The following NR1I2 variants were observed in gnomAD, a reference collection of about 807,000 sequenced individuals.
NR1I2 encodes nuclear receptor subfamily 1 group I member 2.
In NR1I2, 42 loss-of-function variants were observed where a neutral mutation model predicts 43.3. That is an observed-to-expected ratio of 0.97 (90% confidence interval 0.76 to 1.26). NR1I2 has a LOEUF of 1.26. Ranked by LOEUF, NR1I2 falls within the 50% of genes most tolerant of loss-of-function variation. The probability of loss-of-function intolerance (pLI) is 0.00; values close to 1 mark genes in which losing one functional copy is unlikely to be tolerated. For missense variants in NR1I2, 559 were observed against 566.7 expected, an observed-to-expected ratio of 0.99 and a Z score of 0.14; for synonymous variants, 229 against 215.0, an observed-to-expected ratio of 1.06 and a Z score of -0.57.
intron 1 of NR1I2, among the ~76,000 whole-genome samples, chr3:119,794,119 C>T (rs1233984656): frequency 2.6e-5 from 4 of 152,076 alleles, no homozygotes; most frequent in African/African-American, 9.7e-5. Context: ...AGGCAATCCT[C>T]CCACCTCAGC....
intron 1 of NR1I2, among the ~76,000 whole-genome samples, chr3:119,804,384 A>G (rs1253998076): frequency 1.3e-5 from 2 of 149,414 alleles, no homozygotes; most frequent in African/African-American, 4.9e-5. Flanking sequence ...CAAAAAATAT[A>G]TATATACATA....
chr3:119,814,996 A>C lies in NR1I2; in HGVS notation c.812A>C (p.Asp271Ala), dbSNP rs541839505. 1.2e-6 allele frequency: 2 copies of C among 1,614,056 alleles called. No individual in the cohort carries two copies. Among genetic ancestry groups the C allele is most frequent in the African/African-American group, 2.7e-5 (2 of 75,004 alleles). ...GCTGCCAGGGACTTGCCCATCGAGG[A>C]CCAGATCTCCCTGCTGAAGGGGGCC... Residue 271 changes from aspartate to alanine, a missense_variant, in exon 6 of 9, where the codon GAC (aspartate) becomes GCC (alanine). By Grantham distance (126) the Asp-to-Ala change is moderately radical. Coordinates refer to ENST00000393716, the MANE Select transcript of NR1I2 (RefSeq NM_003889.4).
At chr3:119,816,420 G>A (rs1275344140) in intron 8 of NR1I2, among the ~76,000 whole-genome samples, 1 of 152,068 alleles carries the variant, frequency 6.6e-6, no homozygotes, top group Non-Finnish European at 1.5e-5. Context: ...CAACGACTCT[G>A]CTCAGTCCTG....
chr3:119,816,196 T>C (rs2055326201), intron 8 of NR1I2, among the ~76,000 whole-genome samples: 1 of 152,228 alleles, frequency 6.6e-6, no homozygotes, highest in Admixed American at 6.5e-5. Context: ...AAATCCTTAT[T>C]TGGCCTGCAC....
In NR1I2 at chr3:119,817,691, T is replaced by TTAATGATACGGCGACCA; in HGVS notation, c.*479_*480insTAATGATACGGCGACCA. 9.0e-7 allele frequency: 1 copy of TTAATGATACGGCGACCA among 1,109,532 alleles called. No individual in the cohort carries two copies. Among genetic ancestry groups the TTAATGATACGGCGACCA allele is most frequent in the Non-Finnish European group, 1.1e-6 (1 of 901,306 alleles). 68.7% of individuals were successfully genotyped at this position (1,109,532 alleles called of 1,614,324 possible). A position where few individuals can be genotyped will look rare whatever the true frequency, so the allele number is the denominator to read the frequency against. On this transcript the variant is annotated 3_prime_UTR_variant, in exon 9 of 9. Transcript: ENST00000393716. ...CACTTCCCACTCGTTCCCCTCCTCTTCCGAGCTGCTTTGTGGGCTCCAGGC... is the reference window on the plus strand; with the variant it reads ...CACTTCCCACTCGTTCCCCTCCTCTTTAATGATACGGCGACCACCGAGCTGCTTTGTGGGCTCCAGGC...
chr3:119,810,612 G>T, intron 3 of NR1I2: 1 of 203,472 alleles, frequency 4.9e-6, no homozygotes, highest in Non-Finnish European at 1.0e-5. Flanking sequence ...AGCCCCATCA[G>T]CTGCCCCAGA....
chr3:119,810,769 G>A (rs1350342628), intron 3 of NR1I2, among the ~76,000 whole-genome samples: 1 of 152,168 alleles, frequency 6.6e-6, no homozygotes, highest in Non-Finnish European at 1.5e-5. Flanking sequence ...GTGCATATTT[G>A]TCTCCATGGA....
intron 1 of NR1I2, among the ~76,000 whole-genome samples, chr3:119,787,881 T>A (rs1373199066): frequency 1.3e-5 from 2 of 152,166 alleles, no homozygotes; most frequent in Non-Finnish European, 2.9e-5. Context: ...CAAGAGTTTC[T>A]ATCCCAAAGA....
intron 1 of NR1I2, among the ~76,000 whole-genome samples, chr3:119,789,964 C>T (rs988507125): frequency 1.3e-5 from 2 of 151,940 alleles, no homozygotes; most frequent in Admixed American, 1.3e-4. Flanking sequence ...ACAAATTTTA[C>T]CATCTTAAGC....
intron 1 of NR1I2, among the ~76,000 whole-genome samples, chr3:119,791,072 GTTT>G (rs2054911039): frequency 6.6e-6 from 1 of 152,218 alleles, no homozygotes; most frequent in African/African-American, 2.4e-5. Context: ...TTCCAATAAT[GTTT>G]TGGTGTCTTT....
chr3:119,782,416 G>C (rs749084313), intron 1 of NR1I2, 116 bp downstream of exon 1: 2 of 284,504 alleles, frequency 7.0e-6, no homozygotes, highest in African/African-American at 4.3e-5. Flanking sequence ...ATAGTGGGTC[G>C]TGAATCATGT....
intron 1 of NR1I2, among the ~76,000 whole-genome samples, 165 bp downstream of exon 1, chr3:119,782,465 A>G (rs2054786569): frequency 6.6e-6 from 1 of 152,138 alleles, no homozygotes. Flanking sequence ...GGGTGGAAAA[A>G]AAAAAGCATG....
At chr3:119,795,203 G>A (rs939357137) in intron 1 of NR1I2, among the ~76,000 whole-genome samples, 10 of 152,130 alleles carry the variant, frequency 6.6e-5, no homozygotes, top group Non-Finnish European at 1.0e-4. Flanking sequence ...GCGACTCTCC[G>A]GCTGTGACCC....
intron 1 of NR1I2, among the ~76,000 whole-genome samples, chr3:119,801,919 T>C (rs1480544815): frequency 2.6e-5 from 4 of 152,168 alleles, no homozygotes; most frequent in African/African-American, 2.4e-5. Flanking sequence ...CTCCGCATGG[T>C]CTCTTTGGGT....
At chr3:119,809,946 G>A (rs1392326782) in intron 2 of NR1I2, 115 bp from the exon 3 acceptor site, 4 of 1,369,364 alleles carry the variant, frequency 2.9e-6, no homozygotes, top group South Asian at 2.4e-5. Context: ...GCAAAGGCTA[G>A]TGTCCCCCTC....
At chr3:119,786,259 A>G (rs1176666926) in intron 1 of NR1I2, among the ~76,000 whole-genome samples, 5 of 152,124 alleles carry the variant, frequency 3.3e-5, no homozygotes, top group Non-Finnish European at 7.3e-5. Flanking sequence ...TCTTGCCCTC[A>G]CACTTCAGAT....
intron 1 of NR1I2, among the ~76,000 whole-genome samples, chr3:119,798,567 G>C (rs1049387766): frequency 6.6e-5 from 10 of 151,418 alleles, no homozygotes; most frequent in Admixed American, 3.9e-4. Context: ...GTGAACCCGG[G>C]GGGCGGAGCT....
intron 4 of NR1I2, 72 bp from the exon 5 acceptor site, chr3:119,812,614 G>A (rs2055259695): frequency 1.9e-6 from 3 of 1,585,026 alleles, no homozygotes; most frequent in Non-Finnish European, 2.6e-6. Flanking sequence ...GTTTGGCTGG[G>A]GCCTGAGTTG....
intron 2 of NR1I2, among the ~76,000 whole-genome samples, chr3:119,808,145 T>C (rs748273827): frequency 3.9e-5 from 6 of 152,172 alleles, no homozygotes; most frequent in African/African-American, 9.7e-5. Flanking sequence ...TTGTCGCCAA[T>C]TGGTTTGGCA....
Sources: gnomAD v4.1 joint callset for allele counts (sites outside exome capture counted in the v4.1 genomes callset) on GRCh38, gnomAD v4.1.1 for gene constraint, MANE v1.5 for transcripts, NCBI Gene and HGNC (gene_info 2026-07-23, HGNC 2026-07-21) for gene names.